The following STXBP5L variants were observed in gnomAD, a reference collection of about 807,000 sequenced individuals.
The protein encoded by STXBP5L is syntaxin binding protein 5L.
A neutral mutation model predicts 144.5 loss-of-function variants in STXBP5L; 65 were observed. The ratio of observed to expected loss-of-function variants is 0.45; its 90% CI spans 0.37 to 0.55. The LOEUF (loss-of-function observed/expected upper bound fraction) is 0.55, where lower values mean the gene tolerates loss of function less well. Among genes scored for constraint, STXBP5L ranks in the 20% least tolerant of loss-of-function variants. The probability of loss-of-function intolerance (pLI) is 0.00; values close to 1 mark genes in which losing one functional copy is unlikely to be tolerated. For synonymous variants in STXBP5L, 505 were observed against 469.6 expected, an observed-to-expected ratio of 1.08 and a Z score of -0.97; for missense variants, 1,298 against 1,405.5, an observed-to-expected ratio of 0.92 and a Z score of 1.22.
intron 20 of STXBP5L, among the ~76,000 whole-genome samples, chr3:121,354,590 T>C (rs2045432216): frequency 6.6e-6 from 1 of 151,574 alleles, no homozygotes; most frequent in Non-Finnish European, 1.5e-5. Flanking sequence ...TGTGTGTCTT[T>C]GCATGTGAGA....
At position 121,407,320 on chromosome 3, in the gene STXBP5L, T is replaced by C. The variant is rs939405441; in HGVS notation, c.2665T>C (p.Tyr889His). 1.9e-6 allele frequency: 3 copies of C among 1,612,572 alleles called. No individual in the cohort carries two copies. The highest frequency in any genetic ancestry group is 2.5e-6 in the Non-Finnish European group (3 of 1,179,162). The change falls in exon 23 of 27, where the codon TAT (tyrosine) becomes CAT (histidine). Residue 889 changes from tyrosine (Y) to histidine (H), a missense_variant. By Grantham distance (83) the Tyr-to-His change is moderately conservative (BLOSUM62 2). Transcript: ENST00000471454. Reference sequence around the variant, plus strand: ...AATGGGTGGATTAATGCAACCGCCATATGAAGTTTGGAGGGATCCAAACAA... The same window carrying C: ...AATGGGTGGATTAATGCAACCGCCACATGAAGTTTGGAGGGATCCAAACAA... ...DRMGGLMQPP[Y>H]EVWRDPNNID... is the part of the protein sequence containing the mutation.
At chr3:121,257,908 G>A (rs976990403) in intron 17 of STXBP5L, among the ~76,000 whole-genome samples, 5 of 152,198 alleles carry the variant, frequency 3.3e-5, no homozygotes, top group Middle Eastern at 3.4e-3. Context: ...CTGGGTGACA[G>A]TAAGACCCTG....
intron 20 of STXBP5L, among the ~76,000 whole-genome samples, chr3:121,321,225 T>C (rs1462072004): frequency 6.6e-6 from 1 of 152,320 alleles, no homozygotes; most frequent in African/African-American, 2.4e-5. Context: ...GTAATAATAA[T>C]TGAGGAATGA....
chr3:120,977,947 A>T (rs1253927220), intron 3 of STXBP5L, among the ~76,000 whole-genome samples: 1 of 152,226 alleles, frequency 6.6e-6, no homozygotes, highest in African/African-American at 2.4e-5. Context: ...TTTGTGGGTA[A>T]CCCGACCTTT....
At chr3:121,401,067 A>G (rs929672274) in intron 22 of STXBP5L, among the ~76,000 whole-genome samples, 1 of 152,164 alleles carries the variant, frequency 6.6e-6, no homozygotes, top group Non-Finnish European at 1.5e-5. Flanking sequence ...ATCCAAGAGC[A>G]GGCAGTATTA....
chr3:121,050,965 A>G (rs1947932157), intron 5 of STXBP5L, among the ~76,000 whole-genome samples: 1 of 152,216 alleles, frequency 6.6e-6, no homozygotes, highest in Admixed American at 6.5e-5. Context: ...CTTTAAACCA[A>G]CAAAGATCAA....
At chr3:121,322,286 C>A (rs2043997200) in intron 20 of STXBP5L, among the ~76,000 whole-genome samples, 1 of 152,066 alleles carries the variant, frequency 6.6e-6, no homozygotes, top group Non-Finnish European at 1.5e-5. Flanking sequence ...TGAGACCAGC[C>A]TAACCAACAT....
intron 9 of STXBP5L, among the ~76,000 whole-genome samples, chr3:121,186,525 G>C: frequency 6.6e-6 from 1 of 152,142 alleles, no homozygotes; most frequent in Non-Finnish European, 1.5e-5. Context: ...TTTTGTCAAA[G>C]GCCTTTCCTG....
At chr3:121,186,591 T>C (rs1179790515) in intron 9 of STXBP5L, among the ~76,000 whole-genome samples, 1 of 152,216 alleles carries the variant, frequency 6.6e-6, no homozygotes, top group Non-Finnish European at 1.5e-5. Flanking sequence ...TATGCTGGAT[T>C]ACATTTTTTG....
At chr3:121,006,438 A>G (rs1396045361) in intron 3 of STXBP5L, among the ~76,000 whole-genome samples, 1 of 151,954 alleles carries the variant, frequency 6.6e-6, no homozygotes, top group Non-Finnish European at 1.5e-5. Flanking sequence ...TTTTGAGCCT[A>G]TGTGTGTCCC....
At chr3:121,147,420 T>A (rs1296316208) in intron 7 of STXBP5L, among the ~76,000 whole-genome samples, 2 of 152,050 alleles carry the variant, frequency 1.3e-5, no homozygotes, top group African/African-American at 4.8e-5. Context: ...AAAATTGCAA[T>A]AACAATGTGA....
intron 20 of STXBP5L, among the ~76,000 whole-genome samples, chr3:121,361,270 A>G (rs551005755): frequency 1.2e-4 from 18 of 152,172 alleles, no homozygotes; most frequent in Non-Finnish European, 2.5e-4. Flanking sequence ...TTGAGGCAGT[A>G]TTCTTGGAGT....
intron 9 of STXBP5L, among the ~76,000 whole-genome samples, chr3:121,168,272 T>C (rs1221833287): frequency 6.6e-6 from 1 of 152,116 alleles, no homozygotes; most frequent in Non-Finnish European, 1.5e-5. Context: ...AGGATGGCTC[T>C]TCTTCTCCTT....
At chr3:121,067,869 C>T (rs1302477650) in intron 5 of STXBP5L, among the ~76,000 whole-genome samples, 1 of 152,082 alleles carries the variant, frequency 6.6e-6, no homozygotes, top group Non-Finnish European at 1.5e-5. Context: ...TATATCTTGT[C>T]TTGAAATATA....
chr3:121,063,774 C>A (rs568740333), intron 5 of STXBP5L, among the ~76,000 whole-genome samples: 3 of 152,156 alleles, frequency 2.0e-5, no homozygotes, highest in Non-Finnish European at 2.9e-5. Context: ...AACTTCCTGG[C>A]GGCTTTGTTT....
intron 3 of STXBP5L, among the ~76,000 whole-genome samples, chr3:120,983,623 C>A (rs527386611): frequency 6.6e-6 from 1 of 152,154 alleles, no homozygotes; most frequent in East Asian, 1.9e-4. Context: ...TCCCTTTTAT[C>A]CTGGAGGCCT....
intron 25 of STXBP5L, among the ~76,000 whole-genome samples, chr3:121,417,703 G>A (rs2047270999): frequency 6.6e-6 from 1 of 152,200 alleles, no homozygotes; most frequent in African/African-American, 2.4e-5. Context: ...GACCTCAGGT[G>A]ATCTGCCCAC....
chr3:120,934,432 C>T lies in STXBP5L; in HGVS notation c.190-20508C>T, dbSNP rs150603747. Among the ~76,000 whole-genome samples, 37 of 152,030 alleles carry T rather than the reference C, an allele frequency of 2.4e-4. No individual in the cohort carries two copies. In the East Asian group the frequency reaches 3.3e-3, roughly 13 times the overall value. ...TGGCCCAGAATGTGGTTTACCTTTG[C>T]GAATGTTGTGTGAACTTGAGAAGAA... On this transcript the variant is annotated intron_variant, in intron 2 of 26. Transcript: ENST00000471454.
chr3:121,170,264 C>G (rs1420147965), intron 9 of STXBP5L, among the ~76,000 whole-genome samples: 1 of 151,788 alleles, frequency 6.6e-6, no homozygotes, highest in African/African-American at 2.4e-5. Flanking sequence ...AAATTGACAC[C>G]CTAACATCAC....
Sources: gnomAD v4.1 joint callset for allele counts (sites outside exome capture counted in the v4.1 genomes callset) on GRCh38, gnomAD v4.1.1 for gene constraint, MANE v1.5 for transcripts, NCBI Gene and HGNC (gene_info 2026-07-23, HGNC 2026-07-21) for gene names.